Variants in TAF3 observed in about 807,000 individuals in gnomAD.
TAF3 encodes the protein TATA-box binding protein associated factor 3.
TAF3 carries 7 observed loss-of-function variants against 80.6 expected under a neutral mutation model. The ratio of observed to expected loss-of-function variants is 0.09; its 90% CI spans 0.05 to 0.16. The LOEUF (loss-of-function observed/expected upper bound fraction) is 0.16. Ranked by LOEUF, TAF3 falls within the 10% of genes least tolerant of loss-of-function variation. The pLI, the probability that TAF3 is intolerant of heterozygous loss-of-function variation, is 1.00. For synonymous variants in TAF3, 444 were observed against 446.1 expected, an observed-to-expected ratio of 1.00 and a Z score of 0.06; for missense variants, 921 against 1,140.2, an observed-to-expected ratio of 0.81 and a Z score of 2.77.
At chr10:7,820,951 A>G (rs184478468) in intron 1 of TAF3, among the ~76,000 whole-genome samples, 14 of 152,306 alleles carry the variant, frequency 9.2e-5, no homozygotes, top group African/African-American at 3.4e-4. Flanking sequence ...AGGCTAGGCT[A>G]GGCTAGGCTA....
rs1425101017 is a variant in TAF3, at chr10:7,964,512, T to C, written c.1002T>C (p.Pro334=). The C allele has an allele frequency of 6.2e-7, 1 of 1,613,170 alleles. No individual in the cohort carries two copies. The highest frequency in any genetic ancestry group is 1.3e-5 in the African/African-American group (1 of 74,826). The change falls in exon 3 of 7, where the codon CCT becomes CCC. Residue 334 remains proline (P), a synonymous_variant. Coordinates refer to ENST00000344293, the MANE Select transcript of TAF3 (RefSeq NM_031923.4). This position sits in a 1 kb window ranked among gnomAD's most constrained non-coding sequence, Gnocchi z 4.1. ...TCACGACTCACATTCCCCAAACACC[T>C]GTGAGACCTGAAACGCCCAACAGGA... is the stretch of plus-strand genomic sequence containing the variant. ...PKVTTHIPQT[P]VRPETPNRTP...
intron 2 of TAF3, among the ~76,000 whole-genome samples, chr10:7,953,201 A>C (rs569132081): frequency 6.6e-6 from 1 of 152,276 alleles, no homozygotes; most frequent in East Asian, 1.9e-4. Context: ...CAGTCTTCTC[A>C]CTTCAAAAAG....
chr10:7,968,309 C>T (rs914461266), intron 3 of TAF3, among the ~76,000 whole-genome samples: 1 of 152,172 alleles, frequency 6.6e-6, no homozygotes, highest in Non-Finnish European at 1.5e-5. Flanking sequence ...CAGACACTGA[C>T]CCAGATCGGC....
intron 2 of TAF3, among the ~76,000 whole-genome samples, chr10:7,871,080 T>C (rs556243465): frequency 6.6e-6 from 1 of 152,304 alleles, no homozygotes; most frequent in South Asian, 2.1e-4. Context: ...AAAATAGTAA[T>C]ACACTGTAGT....
intron 2 of TAF3, chr10:7,833,650 T>C (rs951502693): frequency 2.9e-5 from 5 of 173,906 alleles, no homozygotes; most frequent in African/African-American, 9.5e-5. Context: ...GTAGCTTCCA[T>C]GTCTCTTTTT....
chr10:7,968,348 A>G (rs1372373840), intron 3 of TAF3, among the ~76,000 whole-genome samples: 1 of 152,170 alleles, frequency 6.6e-6, no homozygotes, highest in Non-Finnish European at 1.5e-5. Flanking sequence ...AAATTTTTCA[A>G]TCTCCACATT....
chr10:7,945,850 GAA>G (rs1467188425), intron 2 of TAF3, among the ~76,000 whole-genome samples: 3 of 152,170 alleles, frequency 2.0e-5, no homozygotes, highest in African/African-American at 7.2e-5. Context: ...CACTTACTGT[GAA>G]TTTTCCTTTT....
rs35634153 is a variant in TAF3, at chr10:8,009,915, C to T, written c.2568+585C>T. On this transcript the variant is annotated intron_variant, in intron 5 of 6. Transcript: ENST00000344293. The surrounding 1 kb of genome is among the most constrained non-coding windows in gnomAD (Gnocchi z 4.1). ...GATTACAGGCATGAGCCACCGTGCC[C>T]GGCTTTTTTTTTTTGAAAGGGGATT... Among the ~76,000 whole-genome samples the T allele has an allele frequency of 0.077, 11,661 of 151,526 alleles. 701 individuals carry two copies. Among genetic ancestry groups the T allele is most frequent in the African/African-American group, 0.15 (6,299 of 41,152 alleles).
intron 2 of TAF3, among the ~76,000 whole-genome samples, chr10:7,838,605 C>T (rs1353852211): frequency 1.3e-5 from 2 of 152,196 alleles, no homozygotes; most frequent in Non-Finnish European, 2.9e-5. Context: ...TGGTCTCAAA[C>T]TCCTGACCTC....
At chr10:7,840,524 GAA>G (rs35379190) in intron 2 of TAF3, among the ~76,000 whole-genome samples, 4 of 128,528 alleles carry the variant, frequency 3.1e-5, no homozygotes, top group Admixed American at 7.8e-5. Context: ...CATCCAGAAT[GAA>G]AAAAAAAAAA....
At chr10:7,842,744 C>T (rs1277530924) in intron 2 of TAF3, among the ~76,000 whole-genome samples, 2 of 152,108 alleles carry the variant, frequency 1.3e-5, no homozygotes, top group East Asian at 3.9e-4. Context: ...CAAATTCCAT[C>T]ATTTGTAAAA....
intron 2 of TAF3, among the ~76,000 whole-genome samples, chr10:7,866,090 G>GT (rs1160653234): frequency 6.6e-6 from 1 of 152,178 alleles, no homozygotes; most frequent in Non-Finnish European, 1.5e-5. Context: ...CTTAATAGCA[G>GT]TTTTTTCTGG....
rs556690235 is a variant in TAF3, at chr10:7,981,991, C to A, written c.2315+4668C>A. Among the ~76,000 whole-genome samples the A allele has an allele frequency of 2.0e-4, 30 of 152,200 alleles. No individual in the cohort carries two copies. The East Asian group carries it at 5.0e-3, about 25-fold the overall frequency. ...AATAGTAGTGAAGAATAATCATGGG[C>A]AGTTACAAAAATAATCATTTAAAAT... On this transcript the variant is annotated intron_variant, in intron 4 of 6. Transcript: ENST00000344293.
chr10:7,951,115 C>A (rs1222599927), intron 2 of TAF3, among the ~76,000 whole-genome samples: 1 of 152,216 alleles, frequency 6.6e-6, no homozygotes, highest in Admixed American at 6.5e-5. Flanking sequence ...AGGAACCTAA[C>A]CGTGTATTTC....
chr10:7,922,139 T>G (rs1168540754), intron 2 of TAF3, among the ~76,000 whole-genome samples: 1 of 152,128 alleles, frequency 6.6e-6, no homozygotes, highest in Non-Finnish European at 1.5e-5. Context: ...AAAGAAATAT[T>G]TGCCTCTTGA....
rs1402108492 is a variant in TAF3 at position 8,009,776 on chromosome 10, CA to C, written c.2568+447del. On this transcript the variant is annotated intron_variant, in intron 5 of 6. Transcript: ENST00000344293. This position sits in a 1 kb window ranked among gnomAD's most constrained non-coding sequence, Gnocchi z 4.1. ...AGCTGGGATTACAGGCACGTGCCAC[CA>C]CACCTGGCCAATTTTTTGTATTTTT... is the stretch of plus-strand genomic sequence containing the variant. Among the ~76,000 whole-genome samples the C allele has an allele frequency of 1.3e-5, 2 of 152,080 alleles. No homozygotes were observed. Among genetic ancestry groups the C allele is most frequent in the Non-Finnish European group, 2.9e-5 (2 of 68,012 alleles).
intron 2 of TAF3, among the ~76,000 whole-genome samples, chr10:7,892,165 A>T (rs970336898): frequency 1.3e-5 from 2 of 152,172 alleles, no homozygotes; most frequent in Non-Finnish European, 2.9e-5. Flanking sequence ...TTTGCTCCTT[A>T]GCTTCTTTCT....
At chr10:7,975,645 T>C (rs1169567345) in intron 3 of TAF3, among the ~76,000 whole-genome samples, 1 of 152,218 alleles carries the variant, frequency 6.6e-6, no homozygotes, top group African/African-American at 2.4e-5. Context: ...GAGCATCTCC[T>C]GCATGCAGGC....
chr10:7,957,232 A>G (rs139380366), intron 2 of TAF3, among the ~76,000 whole-genome samples: 1 of 152,256 alleles, frequency 6.6e-6, no homozygotes, highest in Admixed American at 6.5e-5. Context: ...CTGTCCTTCA[A>G]AGCTTCCCCA....
Sources: allele counts gnomAD v4.1 joint callset (sites outside exome capture counted in the v4.1 genomes callset), GRCh38; gene constraint gnomAD v4.1.1; non-coding constraint Gnocchi (gnomAD v3.1); transcripts MANE v1.5; gene names NCBI Gene and HGNC (gene_info 2026-07-23, HGNC 2026-07-21).